Variants in SLIT3 observed in about 807,000 individuals in gnomAD.
The protein encoded by SLIT3 is slit guidance ligand 3, also known as slit homolog 3 protein.
Under a neutral mutation model 184.0 loss-of-function variants are expected in SLIT3, and 68 were observed. The observed-to-expected ratio is 0.37, with a 90% CI of 0.30 to 0.45. SLIT3 has a LOEUF of 0.45. Ranked by LOEUF, SLIT3 falls within the 20% of genes least tolerant of loss-of-function variation. SLIT3 has a pLI of 1.00. For missense variants in SLIT3, 1,707 were observed against 2,026.0 expected, an observed-to-expected ratio of 0.84 and a Z score of 3.02; for synonymous variants, 831 against 828.6, an observed-to-expected ratio of 1.00 and a Z score of -0.05.
chr5:169,298,574 A>T (rs1253301478), intron 1 of SLIT3, among the ~76,000 whole-genome samples: 1 of 152,186 alleles, frequency 6.6e-6, no homozygotes, highest in Non-Finnish European at 1.5e-5. Context: ...GAACATTTGC[A>T]GGGTATACCA....
At chr5:169,283,764 T>G (rs943528488) in intron 1 of SLIT3, among the ~76,000 whole-genome samples, 1 of 152,134 alleles carries the variant, frequency 6.6e-6, no homozygotes, top group Non-Finnish European at 1.5e-5. Flanking sequence ...TCAGAAGAAA[T>G]ATGCCACCGG....
chr5:169,162,558 C>T (rs1018967212), intron 4 of SLIT3, among the ~76,000 whole-genome samples: 1 of 152,128 alleles, frequency 6.6e-6, no homozygotes, highest in African/African-American at 2.4e-5. Flanking sequence ...AAGCATATTC[C>T]CTAATTATCA....
intron 4 of SLIT3, among the ~76,000 whole-genome samples, chr5:168,894,509 T>C (rs1014215007): frequency 5.9e-5 from 9 of 152,170 alleles, no homozygotes; most frequent in Non-Finnish European, 1.0e-4. Context: ...TCCTCCTCCA[T>C]CCTTCTACCT....
chr5:169,097,512 C>T lies in SLIT3; in HGVS notation c.413+95967G>A, dbSNP rs145895436. ...AAAGAATCCCACTGTGACATGTAGA[C>T]GCATTTTCAAAATTGTATTTATCCA... is the stretch of plus-strand genomic sequence containing the variant. On this transcript the variant is annotated intron_variant, in intron 4 of 35. Coordinates refer to ENST00000519560, the MANE Select transcript of SLIT3 (RefSeq NM_003062.4). Among the ~76,000 whole-genome samples, 303 of 152,282 alleles carry T rather than the reference C, an allele frequency of 2.0e-3. 2 individuals carry two copies. Among genetic ancestry groups the T allele is most frequent in the African/African-American group, 6.9e-3 (287 of 41,580 alleles).
At chr5:169,175,964 C>T (rs188284160) in intron 4 of SLIT3, among the ~76,000 whole-genome samples, 139 of 152,308 alleles carry the variant, frequency 9.1e-4, no homozygotes, top group Middle Eastern at 3.4e-3. Flanking sequence ...CAGTCAGCAC[C>T]GCTCAGGCAA....
intron 4 of SLIT3, among the ~76,000 whole-genome samples, chr5:168,897,765 A>G (rs1760733317): frequency 6.6e-6 from 1 of 152,114 alleles, no homozygotes; most frequent in Non-Finnish European, 1.5e-5. Flanking sequence ...TTCTTGCAAA[A>G]GATCTTAGCA....
chr5:168,762,528 G>C lies in SLIT3; in HGVS notation c.1610+11C>G. 1 of 1,611,060 alleles carries C rather than the reference G, an allele frequency of 6.2e-7. No homozygotes were observed. Among genetic ancestry groups the C allele is most frequent in the South Asian group, 1.1e-5 (1 of 91,028 alleles). ...GGAGGAGTAGGGAGTTCACGCCGAG[G>C]TTGGACTTACAGGTCGGTGACATAT... On this transcript the variant is annotated intron_variant, in intron 15 of 35. Coordinates refer to ENST00000519560, the MANE Select transcript of SLIT3 (RefSeq NM_003062.4).
chr5:169,234,607 G>A (rs769749229), intron 3 of SLIT3, among the ~76,000 whole-genome samples: 5 of 151,868 alleles, frequency 3.3e-5, no homozygotes, highest in Non-Finnish European at 5.9e-5. Context: ...AGGTTTCATC[G>A]AGGTTGGCCA....
intron 5 of SLIT3, among the ~76,000 whole-genome samples, chr5:168,871,931 A>G (rs942707877): frequency 6.6e-5 from 10 of 152,092 alleles, no homozygotes; most frequent in Non-Finnish European, 2.9e-5. Context: ...CATTATGTCA[A>G]CCTCCTCAGA....
rs564950136 is a variant in SLIT3, at chr5:168,806,762, A to C, written c.794-175T>G. ...CACAGGTGCCACAGGCTAAATATTC[A>C]GCAAAGAGGAGAGAGTCTGACTTGA... On this transcript the variant is annotated intron_variant, in intron 8 of 35. Transcript: ENST00000519560. Among the ~76,000 whole-genome samples, 5 of 152,296 alleles carry C rather than the reference A, an allele frequency of 3.3e-5. No individual in the cohort carries two copies. The South Asian group carries it at 1.0e-3, about 32-fold the overall frequency.
At chr5:169,181,412 C>G (rs930592190) in intron 4 of SLIT3, among the ~76,000 whole-genome samples, 6 of 152,124 alleles carry the variant, frequency 3.9e-5, no homozygotes, top group African/African-American at 1.4e-4. Context: ...TTTCATTTCT[C>G]TCTAGATTGC....
At chr5:169,078,014 G>T (rs555282747) in intron 4 of SLIT3, among the ~76,000 whole-genome samples, 21 of 152,210 alleles carry the variant, frequency 1.4e-4, no homozygotes, top group African/African-American at 5.1e-4. Flanking sequence ...TCAAGATTCA[G>T]CTTGAGTCTG....
chr5:168,938,157 A>G (rs1762219695), intron 4 of SLIT3, among the ~76,000 whole-genome samples: 2 of 152,230 alleles, frequency 1.3e-5, no homozygotes, highest in African/African-American at 4.8e-5. Context: ...ACTTCTTCTG[A>G]TACATACATT....
intron 4 of SLIT3, among the ~76,000 whole-genome samples, chr5:168,965,897 T>G (rs2113300793): frequency 6.6e-6 from 1 of 152,292 alleles, no homozygotes; most frequent in South Asian, 2.1e-4. Context: ...CCCTGTTTAG[T>G]GGGAGAAACA....
At chr5:169,103,699 A>T (rs1332018051) in intron 4 of SLIT3, among the ~76,000 whole-genome samples, 2 of 152,222 alleles carry the variant, frequency 1.3e-5, no homozygotes, top group African/African-American at 2.4e-5. Context: ...CCTGCAACAC[A>T]GGAACTTTCT....
chr5:168,769,522 G>C (rs576377498), intron 14 of SLIT3, among the ~76,000 whole-genome samples: 81 of 152,296 alleles, frequency 5.3e-4, no homozygotes, highest in African/African-American at 1.8e-3. Flanking sequence ...CTCTGGGTCT[G>C]TCTGGCCTCT....
rs117358500 is a variant in SLIT3, at chr5:169,057,839, C to T, written c.413+135640G>A. On this transcript the variant is annotated intron_variant, in intron 4 of 35. Transcript: ENST00000519560. ...TTCTTGGTTAAGAAAATGAGGAGTG[C>T]CCCTGAAATGCTGAGCATTCACCCC... Among the ~76,000 whole-genome samples, 144 of 152,306 alleles carry T rather than the reference C, an allele frequency of 9.5e-4. No individual in the cohort carries two copies. The East Asian group carries it at 0.027, about 28-fold the overall frequency.
chr5:169,057,052 A>G (rs1467997806), intron 4 of SLIT3, among the ~76,000 whole-genome samples: 1 of 152,202 alleles, frequency 6.6e-6, no homozygotes, highest in East Asian at 1.9e-4. Context: ...ATTTTCTGAT[A>G]TATTTCACTT....
chr5:169,056,888 C>T (rs936784976), intron 4 of SLIT3, among the ~76,000 whole-genome samples: 59 of 152,324 alleles, frequency 3.9e-4, no homozygotes, highest in African/African-American at 1.3e-3. Flanking sequence ...TTCTTCTTGA[C>T]TATGCCCCCC....
Sources: gnomAD v4.1 joint callset for allele counts (sites outside exome capture counted in the v4.1 genomes callset) on GRCh38, gnomAD v4.1.1 for gene constraint, MANE v1.5 for transcripts, NCBI Gene and HGNC (gene_info 2026-07-23, HGNC 2026-07-21) for gene names.